ERBB4: variants seen among roughly 807,000 people sequenced by gnomAD.
ERBB4 encodes erb-b2 receptor tyrosine kinase 4, also known as receptor tyrosine-protein kinase erbB-4.
In ERBB4, 42 loss-of-function variants were observed where a neutral mutation model predicts 158.0. The observed-to-expected ratio is 0.27, with a 90% CI of 0.21 to 0.34. The LOEUF (loss-of-function observed/expected upper bound fraction) is 0.34, where lower values mean the gene tolerates loss of function less well. Among genes scored for constraint, ERBB4 ranks in the 10% least tolerant of loss-of-function variants. ERBB4 has a pLI of 1.00. For synonymous variants in ERBB4, 583 were observed against 558.7 expected (o/e 1.04, Z -0.61); for missense variants, 1,333 against 1,624.1 (o/e 0.82, Z 3.08).
At chr2:211,640,909 TATA>T (rs1227886607) in intron 16 of ERBB4, among the ~76,000 whole-genome samples, 2 of 152,112 alleles carry the variant, frequency 1.3e-5, no homozygotes, top group Non-Finnish European at 2.9e-5. Context: ...CCTATGGGAA[TATA>T]ATAAGGCCGA....
At chr2:211,890,816 T>G (rs1410861470) in intron 3 of ERBB4, among the ~76,000 whole-genome samples, 1 of 90,896 alleles carries the variant, frequency 1.1e-5, no homozygotes, top group Non-Finnish European at 2.2e-5. Flanking sequence ...AGAAGGCCAT[T>G]ACATAATGGT....
intron 1 of ERBB4, among the ~76,000 whole-genome samples, chr2:212,422,794 G>C (rs941792407): frequency 6.6e-6 from 1 of 152,148 alleles, no homozygotes; most frequent in Non-Finnish European, 1.5e-5. Flanking sequence ...GAGTTACCAA[G>C]TTAGAAATTA....
intron 1 of ERBB4, among the ~76,000 whole-genome samples, chr2:212,307,937 C>T (rs958256447): frequency 8.0e-5 from 12 of 150,832 alleles, no homozygotes; most frequent in South Asian, 4.2e-4. Context: ...ACATGTTTAA[C>T]GGAATACTAG....
chr2:211,615,009 G>A (rs184227694), intron 19 of ERBB4, among the ~76,000 whole-genome samples: 1 of 152,184 alleles, frequency 6.6e-6, no homozygotes, highest in East Asian at 1.9e-4. Context: ...GTATCTCACT[G>A]TGGTAAATCT....
intron 1 of ERBB4, among the ~76,000 whole-genome samples, chr2:212,513,029 C>G (rs1310601105): frequency 3.3e-5 from 5 of 152,156 alleles, no homozygotes; most frequent in African/African-American, 7.2e-5. Context: ...TCATCTAATT[C>G]TTATCATCTT....
chr2:211,466,142 G>A (rs1263186232), intron 20 of ERBB4, among the ~76,000 whole-genome samples: 5 of 152,014 alleles, frequency 3.3e-5, no homozygotes, highest in African/African-American at 7.2e-5. Flanking sequence ...TCTCAACTCG[G>A]AAAGAGCTCT....
At chr2:212,360,975 G>C (rs1201478507) in intron 1 of ERBB4, among the ~76,000 whole-genome samples, 1 of 151,584 alleles carries the variant, frequency 6.6e-6, no homozygotes, top group Non-Finnish European at 1.5e-5. Flanking sequence ...GAAATTTTTA[G>C]TTTAAATTTT....
At chr2:211,945,902 C>G (rs2080675247) in intron 3 of ERBB4, among the ~76,000 whole-genome samples, 1 of 151,850 alleles carries the variant, frequency 6.6e-6, no homozygotes, top group South Asian at 2.1e-4. Flanking sequence ...TTTTTCTTTA[C>G]TATAATCAGA....
At chr2:211,699,634 CTA>C (rs2073158122) in intron 12 of ERBB4, among the ~76,000 whole-genome samples, 1 of 152,036 alleles carries the variant, frequency 6.6e-6, no homozygotes, top group African/African-American at 2.4e-5. Flanking sequence ...CACCACAAAA[CTA>C]TGTTTCTCCT....
At chr2:212,160,693 C>T (rs1391772755) in intron 1 of ERBB4, among the ~76,000 whole-genome samples, 1 of 151,962 alleles carries the variant, frequency 6.6e-6, no homozygotes, top group Non-Finnish European at 1.5e-5. Flanking sequence ...TAGGTCTTAG[C>T]GCTTTTCTTT....
At chr2:212,186,320 G>T (rs1388706561) in intron 1 of ERBB4, among the ~76,000 whole-genome samples, 1 of 152,130 alleles carries the variant, frequency 6.6e-6, no homozygotes, top group Admixed American at 6.6e-5. Flanking sequence ...CTACAAACTG[G>T]TTTAAGTGTT....
intron 20 of ERBB4, among the ~76,000 whole-genome samples, chr2:211,468,808 C>G (rs936813766): frequency 6.8e-6 from 1 of 146,846 alleles, no homozygotes; most frequent in South Asian, 2.3e-4. Context: ...GAAATATCTG[C>G]CCCTGTGTAA....
At chr2:212,190,731 T>C (rs1286221411) in intron 1 of ERBB4, among the ~76,000 whole-genome samples, 1 of 152,116 alleles carries the variant, frequency 6.6e-6, no homozygotes, top group African/African-American at 2.4e-5. Context: ...CTATTTCACA[T>C]CCTAATGATG....
chr2:211,737,539 C>G (rs1423228711), intron 5 of ERBB4, among the ~76,000 whole-genome samples: 1 of 152,126 alleles, frequency 6.6e-6, no homozygotes, highest in Admixed American at 6.5e-5. Context: ...GATGACTTTA[C>G]ATAATTTTGA....
At chr2:211,611,096 G>A (rs1160684856) in intron 19 of ERBB4, among the ~76,000 whole-genome samples, 1 of 152,128 alleles carries the variant, frequency 6.6e-6, no homozygotes, top group Non-Finnish European at 1.5e-5. Flanking sequence ...AGTCAACTGA[G>A]GGACTAAGTG....
chr2:212,126,350 C>A (rs2079926700), intron 1 of ERBB4, among the ~76,000 whole-genome samples: 1 of 150,668 alleles, frequency 6.6e-6, no homozygotes, highest in African/African-American at 2.4e-5. Flanking sequence ...ATCCCAGCTA[C>A]TCGGGAGCCT....
At chr2:212,502,428 C>G (rs1452253688) in intron 1 of ERBB4, among the ~76,000 whole-genome samples, 1 of 152,100 alleles carries the variant, frequency 6.6e-6, no homozygotes, top group Non-Finnish European at 1.5e-5. Flanking sequence ...TTTTCCTGTT[C>G]TATAACTTAG....
At chr2:211,623,273 C>T (rs1270633473) in intron 18 of ERBB4, among the ~76,000 whole-genome samples, 5 of 151,558 alleles carry the variant, frequency 3.3e-5, no homozygotes, top group Non-Finnish European at 5.9e-5. Flanking sequence ...ATTGAAAACA[C>T]ATGATGTCAT....
At chr2:211,529,177 C>A (rs1412460269) in intron 20 of ERBB4, among the ~76,000 whole-genome samples, 1 of 150,150 alleles carries the variant, frequency 6.7e-6, no homozygotes, top group Non-Finnish European at 1.5e-5. Flanking sequence ...GGGGACATTA[C>A]AACTTGTACT....
Sources: gnomAD v4.1 joint callset for allele counts (sites outside exome capture counted in the v4.1 genomes callset) on GRCh38, gnomAD v4.1.1 for gene constraint, MANE v1.5 for transcripts, NCBI Gene and HGNC (gene_info 2026-07-23, HGNC 2026-07-21) for gene names.